Variants in LINGO2 observed in about 807,000 individuals in gnomAD.
LINGO2 encodes the protein leucine-rich repeat and immunoglobulin-like domain-containing nogo receptor-interacting protein 2.
A neutral mutation model predicts 30.6 loss-of-function variants in LINGO2; 14 were observed. The ratio of observed to expected loss-of-function variants is 0.46; its 90% confidence interval spans 0.30 to 0.72. The LOEUF is 0.72. Ranked by LOEUF, LINGO2 falls within the 30% of genes least tolerant of loss-of-function variation. The probability of loss-of-function intolerance (pLI) is 0.07; values close to 1 mark genes in which losing one functional copy is unlikely to be tolerated. For missense variants in LINGO2, 729 were observed against 751.7 expected (o/e 0.97, Z 0.35); for synonymous variants, 317 against 288.5 (o/e 1.10, Z -1.00).
At chr9:28,784,895 C>T in the LINGO2 span, among the ~76,000 whole-genome samples, 1 of 151,386 alleles carries the variant, frequency 6.6e-6, no homozygotes, top group Non-Finnish European at 1.5e-5. Flanking sequence ...TTGTAGTGAG[C>T]CGAGATCGTG....
intron 4 of LINGO2, among the ~76,000 whole-genome samples, chr9:28,206,077 A>G (rs979450791): frequency 2.0e-5 from 3 of 148,702 alleles, no homozygotes; most frequent in Non-Finnish European, 4.5e-5. Context: ...AGGTGGGAGA[A>G]TTGCTTGAAC....
intron 1 of LINGO2, among the ~76,000 whole-genome samples, chr9:28,641,134 C>T (rs1228400122): frequency 6.6e-6 from 1 of 152,004 alleles, no homozygotes; most frequent in Non-Finnish European, 1.5e-5. Context: ...CCCAGGTTCA[C>T]GCCATTCTCC....
the LINGO2 span, among the ~76,000 whole-genome samples, chr9:28,929,369 C>T: frequency 5.2e-4 from 79 of 152,294 alleles, 1 homozygote; most frequent in South Asian, 0.01. Context: ...AGAAAAAGCA[C>T]ACTGGAAGAA....
the LINGO2 span, among the ~76,000 whole-genome samples, chr9:28,712,778 G>A: frequency 1.3e-5 from 2 of 151,910 alleles, no homozygotes; most frequent in South Asian, 2.1e-4. Context: ...CATTTTTGTT[G>A]CATGTGTTTT....
intron 4 of LINGO2, among the ~76,000 whole-genome samples, chr9:28,025,329 G>A (rs1823325570): frequency 6.6e-6 from 1 of 152,170 alleles, no homozygotes; most frequent in African/African-American, 2.4e-5. Context: ...GTTTTAAAGA[G>A]ACAGGCATAC....
the LINGO2 span, among the ~76,000 whole-genome samples, chr9:29,194,063 C>T: frequency 6.6e-6 from 1 of 152,176 alleles, no homozygotes; most frequent in African/African-American, 2.4e-5. Flanking sequence ...GGCACTCTTC[C>T]CCTCTCTGAG....
the LINGO2 span, among the ~76,000 whole-genome samples, chr9:28,712,034 G>C: frequency 2.0e-5 from 3 of 152,040 alleles, no homozygotes; most frequent in Non-Finnish European, 4.4e-5. Flanking sequence ...TATCCAGTAA[G>C]TCCAGCAAGT....
chr9:28,507,968 A>G (rs1020825942), intron 1 of LINGO2, among the ~76,000 whole-genome samples: 18 of 152,056 alleles, frequency 1.2e-4, no homozygotes, highest in African/African-American at 4.3e-4. Context: ...TTCTAATAAT[A>G]TATTTTGTCA....
At chr9:28,428,224 G>A (rs10968590) in intron 2 of LINGO2, among the ~76,000 whole-genome samples, 19,281 of 152,094 alleles carry the variant, frequency 0.13, 1,416 homozygotes, top group East Asian at 0.23. Flanking sequence ...ACAGCCATCT[G>A]TTTGGCTTTT....
chr9:29,091,078 T>G, the LINGO2 span, among the ~76,000 whole-genome samples: 3 of 152,098 alleles, frequency 2.0e-5, no homozygotes, highest in Non-Finnish European at 4.4e-5. Context: ...TTTCATCTTT[T>G]CTATTTGTCC....
chr9:28,998,498 G>A, the LINGO2 span, among the ~76,000 whole-genome samples: 1 of 151,594 alleles, frequency 6.6e-6, no homozygotes, highest in Non-Finnish European at 1.5e-5. Context: ...AACACAAAGA[G>A]GAAAAATAAA....
chr9:29,083,277 T>C, the LINGO2 span, among the ~76,000 whole-genome samples: 1 of 152,152 alleles, frequency 6.6e-6, no homozygotes, highest in African/African-American at 2.4e-5. Flanking sequence ...GTTCATGTCC[T>C]TTGTAGGTAC....
the LINGO2 span, among the ~76,000 whole-genome samples, chr9:28,831,476 G>C: frequency 6.6e-6 from 1 of 152,062 alleles, no homozygotes; most frequent in East Asian, 1.9e-4. Context: ...GAGTAATTGA[G>C]GAGTGAGTGA....
At chr9:28,986,254 G>C in the LINGO2 span, among the ~76,000 whole-genome samples, 1 of 151,912 alleles carries the variant, frequency 6.6e-6, no homozygotes, top group Non-Finnish European at 1.5e-5. Context: ...TAATTTTCCA[G>C]TACCATGTTA....
chr9:28,293,999 A>G (rs1301244124), intron 4 of LINGO2, among the ~76,000 whole-genome samples: 2 of 152,194 alleles, frequency 1.3e-5, no homozygotes, highest in Non-Finnish European at 2.9e-5. Context: ...CAAAAAAATT[A>G]TTCACCAGCT....
chr9:29,210,083 T>C, the LINGO2 span, among the ~76,000 whole-genome samples: 2 of 152,302 alleles, frequency 1.3e-5, no homozygotes, highest in Admixed American at 6.5e-5. Context: ...CCAATTAATT[T>C]GTGACAACTT....
At chr9:28,041,820 T>A (rs1824209410) in intron 4 of LINGO2, among the ~76,000 whole-genome samples, 1 of 152,218 alleles carries the variant, frequency 6.6e-6, no homozygotes, top group East Asian at 1.9e-4. Context: ...ATAGTTATAA[T>A]TATTGTAACT....
At chr9:28,730,219 A>G in the LINGO2 span, among the ~76,000 whole-genome samples, 1 of 152,136 alleles carries the variant, frequency 6.6e-6, no homozygotes, top group Non-Finnish European at 1.5e-5. Flanking sequence ...GAGATAAGAA[A>G]ATCCCAAGGA....
At chr9:28,457,719 C>T (rs1824908800) in intron 2 of LINGO2, among the ~76,000 whole-genome samples, 1 of 152,130 alleles carries the variant, frequency 6.6e-6, no homozygotes, top group African/African-American at 2.4e-5. Context: ...GTATGAGTCA[C>T]TGTGCTGCAT....
Sources: gnomAD v4.1 joint callset for allele counts (sites outside exome capture counted in the v4.1 genomes callset) on GRCh38, gnomAD v4.1.1 for gene constraint, MANE v1.5 for transcripts, NCBI Gene and HGNC (gene_info 2026-07-23, HGNC 2026-07-21) for gene names.